SUCLG1: variants seen among roughly 807,000 people sequenced by gnomAD.
The protein encoded by SUCLG1 is succinate--CoA ligase [ADP/GDP-forming] subunit alpha, mitochondrial.
Under a neutral mutation model 37.3 loss-of-function variants are expected in SUCLG1, and 26 were observed. That is an observed-to-expected ratio of 0.70 (90% CI 0.51 to 0.97). The LOEUF (loss-of-function observed/expected upper bound fraction) is 0.97. Among genes scored for constraint, SUCLG1 ranks in the 50% least tolerant of loss-of-function variants. SUCLG1 has a pLI of 0.00. For synonymous variants in SUCLG1, 163 were observed against 155.6 expected, an observed-to-expected ratio of 1.05 and a Z score of -0.36; for missense variants, 433 against 432.9, an observed-to-expected ratio of 1.00 and a Z score of 0.00.
At chr2:84,441,168 A>T in intron 4 of SUCLG1, 64 bp from the exon 5 acceptor site, 1 of 1,612,732 alleles carries the variant, frequency 6.2e-7, no homozygotes, top group Non-Finnish European at 8.5e-7. Flanking sequence ...CATACACACA[A>T]ATACACTCGC....
At position 84,445,868 on chromosome 2, in the gene SUCLG1, T is replaced by C. The variant is rs537536200; in HGVS notation, c.202-2468A>G. On this transcript the variant is annotated intron_variant, in intron 2 of 8. Transcript: ENST00000393868. ...CACTCCTCTAATCAAACACTCTGAT[T>C]GTCTTAGATTTCAGTCAAGTAAAAG... 2.6e-4 allele frequency among the ~76,000 whole-genome samples: 39 copies of C among 152,316 alleles called. No homozygotes were observed. In the South Asian group the frequency reaches 5.6e-3, roughly 22 times the overall value.
Position 84,449,792 on chromosome 2 carries a change from C to T in SUCLG1, c.98-40G>A, listed in dbSNP as rs534477146. On this transcript the variant is annotated intron_variant, in intron 1 of 8. Transcript: ENST00000393868. Reference sequence around the variant, plus strand: ...AAAAAAAAAAAAAAAAAAAAAGACACATTATAATTTTTCTAAACTTTTGAA... The same window carrying T: ...AAAAAAAAAAAAAAAAAAAAAGACATATTATAATTTTTCTAAACTTTTGAA... The T allele has an allele frequency of 1.0e-4, 129 of 1,264,380 alleles. No homozygotes were observed. The East Asian group carries it at 3.2e-3, about 31-fold the overall frequency. 78.3% of individuals were successfully genotyped at this position (1,264,380 alleles called of 1,614,324 possible).
chr2:84,429,825 T>C (rs898543653), intron 7 of SUCLG1, among the ~76,000 whole-genome samples: 3 of 151,926 alleles, frequency 2.0e-5, no homozygotes, highest in Admixed American at 6.5e-5. Context: ...ATAAACAGAA[T>C]GGCCTAAGAG....
chr2:84,454,364 C>CTCCT (rs1672987886), intron 1 of SUCLG1, among the ~76,000 whole-genome samples: 1 of 152,222 alleles, frequency 6.6e-6, no homozygotes, highest in Non-Finnish European at 1.5e-5. Context: ...ATAATAGTAT[C>CTCCT]TCCTTCATAG....
At chr2:84,441,793 A>C (rs1420917554) in intron 3 of SUCLG1, among the ~76,000 whole-genome samples, 2 of 152,218 alleles carry the variant, frequency 1.3e-5, no homozygotes, top group African/African-American at 4.8e-5. Context: ...GGTTAAAAAT[A>C]ATTTTTTAAA....
At chr2:84,441,994 C>CGTCATATGGATGAAAG (rs1283583446) in intron 3 of SUCLG1, among the ~76,000 whole-genome samples, 2 of 151,988 alleles carry the variant, frequency 1.3e-5, no homozygotes, top group African/African-American at 4.8e-5. Context: ...TGTGCTGGGA[C>CGTCATATGGATGAAAG]GTCATATGGA....
At chr2:84,435,945 T>C (rs1672681644) in intron 5 of SUCLG1, among the ~76,000 whole-genome samples, 2 of 152,232 alleles carry the variant, frequency 1.3e-5, no homozygotes, top group African/African-American at 4.8e-5. Context: ...ATGCATTTTA[T>C]CTTCCTTCAA....
rs141331864 is a variant in SUCLG1 at position 84,441,297 on chromosome 2, G to A, written c.481C>T (p.Arg161Cys). 401 of 1,613,994 alleles carry A rather than the reference G, an allele frequency of 2.5e-4. 7 individuals carry two copies. The highest frequency in any genetic ancestry group is 1.6e-3 in the South Asian group (147 of 91,070). ...CCAATTAGCCTTGTCTTTTCCTGGC[G>A]CAGCAGTTTGTGCTTGACTCGTACC... is the stretch of plus-strand genomic sequence containing the variant. ...DMVRVKHKLLRQEKTRLIGPN... is the reference protein window; with the variant it reads ...DMVRVKHKLLCQEKTRLIGPN... Residue 161 changes from arginine (R) to cysteine (C), a missense_variant, in exon 4 of 9, where the codon CGC becomes TGC. Arg to Cys is a radical substitution (Grantham distance 180, BLOSUM62 -3). Transcript: ENST00000393868.
intron 1 of SUCLG1, among the ~76,000 whole-genome samples, chr2:84,453,107 T>G (rs1276791285): frequency 6.6e-6 from 1 of 152,230 alleles, no homozygotes; most frequent in East Asian, 1.9e-4. Context: ...GCTGACATTT[T>G]TTTAAATAAA....
intron 7 of SUCLG1, chr2:84,426,822 A>T (rs1290053207): frequency 2.6e-5 from 4 of 152,190 alleles, no homozygotes; most frequent in Admixed American, 1.3e-4. Flanking sequence ...GTGGAACCTG[A>T]GAGCTTTCAC....
At chr2:84,450,410 A>AG (rs200325241) in intron 1 of SUCLG1, among the ~76,000 whole-genome samples, 158 of 145,636 alleles carry the variant, frequency 1.1e-3, no homozygotes, top group Middle Eastern at 0.011. Flanking sequence ...AAAGCTTGTT[A>AG]GGAAAAAAAA....
intron 8 of SUCLG1, among the ~76,000 whole-genome samples, chr2:84,424,311 T>C (rs1186554849): frequency 6.6e-6 from 1 of 152,220 alleles, no homozygotes; most frequent in Non-Finnish European, 1.5e-5. Context: ...TTTTCTAGAT[T>C]GTAACAATTA....
intron 7 of SUCLG1, chr2:84,426,332 G>C (rs1474733630): frequency 6.6e-6 from 1 of 150,838 alleles, no homozygotes; most frequent in Non-Finnish European, 1.5e-5. Flanking sequence ...ATGCAAAGTA[G>C]TTGAAGAAAT....
Position 84,423,753 on chromosome 2 carries a change from A to G in SUCLG1, c.1034T>C (p.Met345Thr). The change falls in exon 9 of 9, where the codon ATG becomes ACG. Residue 345 changes from methionine to threonine, a missense_variant. Transcript: ENST00000393868. The part of the protein sequence containing the change: ...TIYKEFEKRK[M>T]L Reference sequence around the variant, plus strand: ...AGGAATTTTTTTTTTCTTTCATAGCATCTTCCTCTTTTCAAATTCCTTCAG... The same window carrying G: ...AGGAATTTTTTTTTTCTTTCATAGCGTCTTCCTCTTTTCAAATTCCTTCAG... The G allele has an allele frequency of 6.2e-7, 1 of 1,605,694 alleles. No individual in the cohort carries two copies. The highest frequency in any genetic ancestry group is 8.5e-7 in the Non-Finnish European group (1 of 1,174,868).
At chr2:84,424,162 G>C (rs1452110083) in intron 8 of SUCLG1, among the ~76,000 whole-genome samples, 1 of 152,312 alleles carries the variant, frequency 6.6e-6, no homozygotes, top group East Asian at 1.9e-4. Flanking sequence ...AAACAGGTTT[G>C]CTCAGTTTCT....
chr2:84,443,421 A>T, intron 2 of SUCLG1, 21 bp from the exon 3 acceptor site: 1 of 1,609,506 alleles, frequency 6.2e-7, no homozygotes, highest in Middle Eastern at 1.7e-4. Flanking sequence ...AAAGCACAAG[A>T]TCCATGAGAA....
chr2:84,435,235 T>C (rs1047526392), intron 5 of SUCLG1, among the ~76,000 whole-genome samples: 1 of 152,212 alleles, frequency 6.6e-6, no homozygotes, highest in Non-Finnish European at 1.5e-5. Flanking sequence ...CTAATCATCC[T>C]TCAAGGTCCA....
intron 4 of SUCLG1, 43 bp from the exon 5 acceptor site, chr2:84,441,147 C>A: frequency 6.2e-7 from 1 of 1,610,440 alleles, no homozygotes; most frequent in South Asian, 1.1e-5. Context: ...AAAAAAAAGT[C>A]ACTCACAGGT....
chr2:84,443,453 G>T, intron 2 of SUCLG1, 53 bp from the exon 3 acceptor site: 1 of 1,519,302 alleles, frequency 6.6e-7, no homozygotes, highest in South Asian at 1.1e-5. Context: ...GTAAGCCCAA[G>T]AGAAGCAAAA....
Sources: allele counts gnomAD v4.1 joint callset (sites outside exome capture counted in the v4.1 genomes callset), GRCh38; gene constraint gnomAD v4.1.1; transcripts MANE v1.5; gene names NCBI Gene and HGNC (gene_info 2026-07-23, HGNC 2026-07-21).